The following C6orf89 variants were observed in gnomAD, a reference collection of about 807,000 sequenced individuals.
C6orf89 encodes bombesin receptor-activated protein C6orf89.
In C6orf89, 29 loss-of-function variants were observed where a neutral mutation model predicts 40.7. The ratio of observed to expected loss-of-function variants is 0.71; its 90% CI spans 0.53 to 0.97. The LOEUF is 0.97. Among genes scored for constraint, C6orf89 ranks in the 50% least tolerant of loss-of-function variants. C6orf89 has a pLI of 0.00. For missense variants in C6orf89, 392 were observed against 429.1 expected, an observed-to-expected ratio of 0.91 and a Z score of 0.76; for synonymous variants, 165 against 152.2, an observed-to-expected ratio of 1.08 and a Z score of -0.62.
chr6:36,890,530 A>T (rs1413500558), intron 1 of C6orf89, among the ~76,000 whole-genome samples: 3 of 142,142 alleles, frequency 2.1e-5, no homozygotes, highest in East Asian at 4.4e-4. Context: ...TACTACATTT[A>T]AAAAAAAAAT....
At chr6:36,921,598 A>C (rs139948659) in intron 8 of C6orf89, among the ~76,000 whole-genome samples, 298 of 152,344 alleles carry the variant, frequency 2.0e-3, no homozygotes, top group African/African-American at 5.7e-3. Context: ...TCTTCATTTA[A>C]AGATGAGCAG....
At chr6:36,921,646 A>AT (rs1349650970) in intron 8 of C6orf89, among the ~76,000 whole-genome samples, 4 of 152,130 alleles carry the variant, frequency 2.6e-5, no homozygotes, top group African/African-American at 4.8e-5. Context: ...CCATCAAGAG[A>AT]TTTTTTTTGT....
intron 2 of C6orf89, among the ~76,000 whole-genome samples, chr6:36,879,691 C>T (rs1344659764): frequency 6.6e-6 from 1 of 152,066 alleles, no homozygotes; most frequent in Non-Finnish European, 1.5e-5. Flanking sequence ...GGGCTTAGGA[C>T]CCCACAAGCT....
intron 4 of C6orf89, among the ~76,000 whole-genome samples, chr6:36,903,074 A>G (rs1281859417): frequency 6.6e-6 from 1 of 152,152 alleles, no homozygotes; most frequent in Non-Finnish European, 1.5e-5. Context: ...CAGTGTTAAC[A>G]TGTAATAAGA....
chr6:36,897,086 GC>G (rs1461135361), intron 2 of C6orf89, among the ~76,000 whole-genome samples: 1 of 139,080 alleles, frequency 7.2e-6, no homozygotes, highest in East Asian at 2.1e-4. Flanking sequence ...CCAAGATCGC[GC>G]CACTGCACTC....
At position 36,907,275 on chromosome 6, in the gene C6orf89, CTTTTGTTTTG is replaced by C. The variant is rs58524464; in HGVS notation, c.403+4871_403+4880del. On this transcript the variant is annotated intron_variant, in intron 4 of 8. Transcript: ENST00000480824. ...GGAGTTTTTTGTCCTGGAAAGAAAT[CTTTTGTTTTG>C]TTTTGTTTTGTTTTGTTTTGTTTTG... 2.8e-3 allele frequency among the ~76,000 whole-genome samples: 424 copies of C among 151,178 alleles called. 5 individuals are homozygous for C. Among genetic ancestry groups the C allele is most frequent in the East Asian group, 0.019 (100 of 5,144 alleles).
At chr6:36,905,146 C>T (rs1379134900) in intron 4 of C6orf89, among the ~76,000 whole-genome samples, 1 of 152,184 alleles carries the variant, frequency 6.6e-6, no homozygotes, top group Admixed American at 6.5e-5. Flanking sequence ...CATATATCGG[C>T]TTATTTAATC....
chr6:36,900,311 C>T (rs1761623816), intron 3 of C6orf89, among the ~76,000 whole-genome samples: 1 of 151,248 alleles, frequency 6.6e-6, no homozygotes, highest in East Asian at 1.9e-4. Context: ...AAACGATTCT[C>T]CTGCCTCAGC....
intron 4 of C6orf89, among the ~76,000 whole-genome samples, chr6:36,907,525 G>A (rs954801951): frequency 6.6e-6 from 1 of 152,194 alleles, no homozygotes; most frequent in Admixed American, 6.5e-5. Context: ...GTCTCTGCAC[G>A]TTGACTTCAA....
intron 1 of C6orf89, among the ~76,000 whole-genome samples, chr6:36,893,261 T>G (rs976441316): frequency 2.6e-5 from 4 of 151,572 alleles, no homozygotes; most frequent in African/African-American, 9.7e-5. Context: ...AAGGGATGAG[T>G]TTTTTTGTTC....
intron 4 of C6orf89, among the ~76,000 whole-genome samples, chr6:36,909,800 A>AT (rs1294373499): frequency 1.3e-5 from 2 of 148,458 alleles, no homozygotes; most frequent in Admixed American, 6.7e-5. Flanking sequence ...AAAAAAAAAA[A>AT]GTTTTTTGTT....
chr6:36,918,894 T>A (rs540942956), intron 7 of C6orf89, among the ~76,000 whole-genome samples: 4 of 152,244 alleles, frequency 2.6e-5, no homozygotes, highest in Admixed American at 6.5e-5. Flanking sequence ...TAGTTACCTG[T>A]GCAGGTGCAT....
In C6orf89 at chr6:36,914,782, G is replaced by A. The variant is rs143771929; in HGVS notation, c.695+89G>A. ...AGGCAGGCAGATCACTTGAGCCTAG[G>A]AGTTGCAGACCAGCCTGGCCAACAT... On this transcript the variant is annotated intron_variant, in intron 6 of 8. Transcript: ENST00000480824. 4.7e-4 allele frequency: 709 copies of A among 1,508,622 alleles called. 3 individuals are homozygous for A. The African/African-American group carries it at 7.5e-3, about 16-fold the overall frequency. The allele number at this position is 1,508,622 out of a possible 1,614,324, so 93.5% of individuals were successfully genotyped here.
chr6:36,902,473 C>A, intron 4 of C6orf89, 39 bp downstream of exon 4: 5 of 1,576,964 alleles, frequency 3.2e-6, no homozygotes, highest in Non-Finnish European at 3.5e-6. Flanking sequence ...ATATAGTTTT[C>A]TTGACAGTAT....
At chr6:36,903,122 A>C (rs1432846075) in intron 4 of C6orf89, among the ~76,000 whole-genome samples, 5 of 152,176 alleles carry the variant, frequency 3.3e-5, no homozygotes, top group Non-Finnish European at 7.3e-5. Context: ...GTGGTGGTTT[A>C]CAACTATAAT....
intron 8 of C6orf89, among the ~76,000 whole-genome samples, chr6:36,921,656 T>G (rs74856093): frequency 1.4e-4 from 22 of 152,142 alleles, no homozygotes; most frequent in African/African-American, 5.3e-4. Flanking sequence ...ATTTTTTTTG[T>G]TTAAAATTTT....
chr6:36,903,177 G>T (rs1761787511), intron 4 of C6orf89, among the ~76,000 whole-genome samples: 1 of 152,094 alleles, frequency 6.6e-6, no homozygotes, highest in African/African-American at 2.4e-5. Flanking sequence ...GTTGAGCCCA[G>T]GAGTTCAAGA....
chr6:36,882,718 T>TTG, upstream of C6orf89, among the ~76,000 whole-genome samples: 1 of 114,924 alleles, frequency 8.7e-6, no homozygotes, highest in South Asian at 2.9e-4. Context: ...ATTTTCTTTT[T>TTG]TTTTTTTTCT....
intron 4 of C6orf89, among the ~76,000 whole-genome samples, chr6:36,913,717 G>C (rs1762205540): frequency 6.6e-6 from 1 of 152,184 alleles, no homozygotes; most frequent in African/African-American, 2.4e-5. Context: ...TGCATGACAG[G>C]TTAAAAGATA....
Sources: gnomAD v4.1 joint callset for allele counts (sites outside exome capture counted in the v4.1 genomes callset) on GRCh38, gnomAD v4.1.1 for gene constraint, MANE v1.5 for transcripts, NCBI Gene and HGNC (gene_info 2026-07-23, HGNC 2026-07-21) for gene names.